Variants in GLCCI1 observed in about 807,000 individuals in gnomAD.
GLCCI1 encodes the protein glucocorticoid induced 1, also known as glucocorticoid-induced transcript 1 protein.
GLCCI1 carries 24 observed loss-of-function variants against 52.2 expected under a neutral mutation model. The observed-to-expected ratio is 0.46, with a 90% confidence interval of 0.33 to 0.65. The LOEUF (loss-of-function observed/expected upper bound fraction) is 0.65, where lower values mean the gene tolerates loss of function less well. Ranked by LOEUF, GLCCI1 falls within the 30% of genes least tolerant of loss-of-function variation. The pLI is 0.02. For synonymous variants in GLCCI1, 310 were observed against 276.5 expected, an observed-to-expected ratio of 1.12 and a Z score of -1.20; for missense variants, 704 against 701.5, an observed-to-expected ratio of 1.00 and a Z score of -0.04.
intron 6 of GLCCI1, chr7:8,084,673 A>G (rs1373654854): frequency 2.3e-6 from 1 of 430,432 alleles, no homozygotes; most frequent in African/African-American, 2.0e-5. Flanking sequence ...TTCTGGACCA[A>G]AATGTCCTTT....
At chr7:7,994,114 C>G (rs1207710630) in intron 1 of GLCCI1, among the ~76,000 whole-genome samples, 1 of 152,106 alleles carries the variant, frequency 6.6e-6, no homozygotes, top group Non-Finnish European at 1.5e-5. Flanking sequence ...ATTAGCCAGA[C>G]ATGTTGGTTC....
rs765709150 is a variant in GLCCI1, at chr7:8,004,101, C to G, written c.609+42C>G. On this transcript the variant is annotated intron_variant, in intron 2 of 7. Transcript: ENST00000223145. ...AAAATCAGCTTATTACCCTGCACTT[C>G]TTCTGTTTTGATCACAGTAAAGAAA... is the stretch of plus-strand genomic sequence containing the variant. 9 of 1,553,156 alleles carry G rather than the reference C, an allele frequency of 5.8e-6. No homozygotes were observed. In the South Asian group the frequency reaches 6.1e-5, roughly 10 times the overall value.
rs1783111789 is a variant in GLCCI1, at chr7:8,086,599, T to C, written c.*61T>C. 1 of 1,337,706 alleles carries C rather than the reference T, an allele frequency of 7.5e-7. No homozygotes were observed. Among genetic ancestry groups the C allele is most frequent in the Non-Finnish European group, 1.0e-6 (1 of 972,138 alleles). 82.9% of individuals were successfully genotyped at this position (1,337,706 alleles called of 1,614,324 possible). A position where few individuals can be genotyped will look rare whatever the true frequency, so the allele number is the denominator to read the frequency against. ...GATTCGGAACAAGATTTCAGACATC[T>C]GCATGAGTGACAAACTTTCTGAACA... is the stretch of plus-strand genomic sequence containing the variant. On this transcript the variant is annotated 3_prime_UTR_variant, in exon 8 of 8. Transcript: ENST00000223145. This position sits in a 1 kb window ranked among gnomAD's most constrained non-coding sequence, Gnocchi z 4.4.
intron 2 of GLCCI1, among the ~76,000 whole-genome samples, chr7:8,015,190 T>G (rs1241580140): frequency 6.6e-6 from 1 of 152,240 alleles, no homozygotes; most frequent in African/African-American, 2.4e-5. Context: ...AGCCTTTTCC[T>G]CCATTCCTGA....
intron 5 of GLCCI1, among the ~76,000 whole-genome samples, chr7:8,065,988 T>C (rs1208329054): frequency 6.6e-6 from 1 of 152,224 alleles, no homozygotes; most frequent in Non-Finnish European, 1.5e-5. Context: ...CTAGCTCTTC[T>C]TTATACAGCT....
chr7:8,045,009 G>T (rs1297098238), intron 3 of GLCCI1, among the ~76,000 whole-genome samples: 2 of 152,228 alleles, frequency 1.3e-5, no homozygotes, highest in African/African-American at 4.8e-5. Flanking sequence ...TTTACCGTAG[G>T]CTAATGGACA....
chr7:7,986,760 A>G (rs1163724495), intron 1 of GLCCI1, among the ~76,000 whole-genome samples: 2 of 152,224 alleles, frequency 1.3e-5, no homozygotes, highest in Non-Finnish European at 2.9e-5. Flanking sequence ...ACTTATTGGC[A>G]TGATGGTTCC....
Position 8,060,156 on chromosome 7 carries a change from G to T in GLCCI1, c.874G>T (p.Val292Phe), listed in dbSNP as rs1384266401. ...LSNISVPKSS[V>F]SRVPCNVEGI... is the part of the protein sequence containing the mutation. ...AAATATATCAGTGCCAAAATCATCT[G>T]TTTCGCGTGTGCCCTGCAATGTAGA... The change falls in exon 5 of 8, where the codon GTT becomes TTT. Residue 292 changes from valine to phenylalanine, a missense_variant. By Grantham distance (50) the Val-to-Phe change is conservative. Transcript: ENST00000223145. The T allele has an allele frequency of 5.6e-6, 9 of 1,613,614 alleles. No homozygotes were observed. The highest frequency in any genetic ancestry group is 7.6e-6 in the Non-Finnish European group (9 of 1,179,646).
intron 6 of GLCCI1, among the ~76,000 whole-genome samples, chr7:8,081,537 A>G (rs767017505): frequency 2.6e-5 from 4 of 152,202 alleles, no homozygotes; most frequent in Admixed American, 1.3e-4. Flanking sequence ...CTGAAGTTCA[A>G]TGGTATGCTC....
In GLCCI1 at chr7:8,086,146, T is replaced by A; in HGVS notation, c.1299-47T>A. ...CAGTTAATTCAGAAAATGCTTAACT[T>A]TTTCTGTGTTCATGATTATAAATCT... On this transcript the variant is annotated intron_variant, in intron 7 of 7. Coordinates refer to ENST00000223145, the MANE Select transcript of GLCCI1 (RefSeq NM_138426.4). This position sits in a 1 kb window ranked among gnomAD's most constrained non-coding sequence, Gnocchi z 4.4. 6.7e-7 allele frequency: 1 copy of A among 1,485,914 alleles called. No individual in the cohort carries two copies. The highest frequency in any genetic ancestry group is 9.1e-7 in the Non-Finnish European group (1 of 1,099,914). 92.0% of individuals were successfully genotyped at this position (1,485,914 alleles called of 1,614,324 possible).
intron 3 of GLCCI1, among the ~76,000 whole-genome samples, chr7:8,039,429 T>C (rs1166079338): frequency 6.6e-6 from 1 of 152,142 alleles, no homozygotes; most frequent in Non-Finnish European, 1.5e-5. Context: ...TATATGTATA[T>C]ACACACACCA....
intron 5 of GLCCI1, among the ~76,000 whole-genome samples, chr7:8,061,677 T>TC (rs1782518837): frequency 9.0e-6 from 1 of 110,728 alleles, no homozygotes; most frequent in African/African-American, 3.1e-5. Context: ...TTTTTTTTTT[T>TC]TTTTTTTGAG....
At chr7:8,030,544 A>G (rs1781723375) in intron 3 of GLCCI1, among the ~76,000 whole-genome samples, 1 of 152,184 alleles carries the variant, frequency 6.6e-6, no homozygotes, top group African/African-American at 2.4e-5. Flanking sequence ...AAATGGGATG[A>G]CATCAAGTTA....
chr7:7,995,009 G>A (rs78704880), intron 1 of GLCCI1, among the ~76,000 whole-genome samples: 6,086 of 152,268 alleles, frequency 0.04, 255 homozygotes, highest in East Asian at 0.19. Context: ...GAGCATGTGA[G>A]TGTATGTGTT....
chr7:7,979,640 C>T (rs971179692), intron 1 of GLCCI1, among the ~76,000 whole-genome samples: 2 of 152,136 alleles, frequency 1.3e-5, no homozygotes, highest in Non-Finnish European at 2.9e-5. Context: ...CTGGCCCTTT[C>T]TTTCTATGCA....
chr7:8,070,870 A>G, intron 5 of GLCCI1, 51 bp from the exon 6 acceptor site: 1 of 1,465,696 alleles, frequency 6.8e-7, no homozygotes, highest in Non-Finnish European at 9.5e-7. Context: ...CTTTCTATGT[A>G]GATGAATATA....
At chr7:7,984,285 C>G (rs1562416389) in intron 1 of GLCCI1, among the ~76,000 whole-genome samples, 1 of 152,126 alleles carries the variant, frequency 6.6e-6, no homozygotes, top group Non-Finnish European at 1.5e-5. Context: ...GTCTTGAACT[C>G]CTGGGCTCAA....
At chr7:8,014,752 G>A (rs1247784424) in intron 2 of GLCCI1, among the ~76,000 whole-genome samples, 4 of 152,100 alleles carry the variant, frequency 2.6e-5, no homozygotes. Flanking sequence ...ATGGCACTTG[G>A]TCTCTTGGTT....
chr7:8,016,412 C>T (rs558086736), intron 2 of GLCCI1, among the ~76,000 whole-genome samples: 28 of 151,904 alleles, frequency 1.8e-4, no homozygotes, highest in African/African-American at 6.8e-4. Context: ...GAGCTTGCAG[C>T]GAGCCGAGAT....
Sources: gnomAD v4.1 joint callset for allele counts (sites outside exome capture counted in the v4.1 genomes callset) on GRCh38, gnomAD v4.1.1 for gene constraint, Gnocchi (gnomAD v3.1) non-coding constraint, MANE v1.5 for transcripts, NCBI Gene and HGNC (gene_info 2026-07-23, HGNC 2026-07-21) for gene names.